The following MYH15 variants were observed in gnomAD, a reference collection of about 807,000 sequenced individuals.
MYH15 encodes the protein myosin heavy chain 15.
Under a neutral mutation model 240.5 loss-of-function variants are expected in MYH15, and 227 were observed. That is an observed-to-expected ratio of 0.94 (90% CI 0.85 to 1.05). The LOEUF is 1.05. MYH15 is among the 50% of genes least tolerant of loss of function. The pLI, the probability that MYH15 is intolerant of heterozygous loss-of-function variation, is 0.00. For synonymous variants in MYH15, 785 were observed against 796.7 expected (o/e 0.99, Z 0.25); for missense variants, 2,217 against 2,247.5 (o/e 0.99, Z 0.27).
chr3:108,472,979 GA>G lies in MYH15; in HGVS notation c.1234-2133del, dbSNP rs1330770867. ...ATAGTGCATATAGAAAACAACAACA[GA>G]AAAAAAATAACAAAGTCAAATAGTT... On this transcript the variant is annotated intron_variant, in intron 12 of 40. Transcript: ENST00000693548. Among the ~76,000 whole-genome samples the G allele has an allele frequency of 6.6e-5, 10 of 151,842 alleles. No individual in the cohort carries two copies. In the East Asian group the frequency reaches 1.9e-3, roughly 29 times the overall value.
At chr3:108,448,152 T>C (rs2107573760) in intron 21 of MYH15, among the ~76,000 whole-genome samples, 1 of 152,142 alleles carries the variant, frequency 6.6e-6, no homozygotes, top group South Asian at 2.1e-4. Context: ...GAGAAAGGAA[T>C]ACCTAGCATT....
intron 25 of MYH15, among the ~76,000 whole-genome samples, chr3:108,435,242 CAAG>C (rs1383113106): frequency 1.1e-4 from 17 of 152,198 alleles, no homozygotes; most frequent in African/African-American, 2.9e-4. Flanking sequence ...GTGACTTGTT[CAAG>C]AAGACTTATC....
At chr3:108,489,369 A>G (rs1325278356) in intron 9 of MYH15, among the ~76,000 whole-genome samples, 1 of 152,208 alleles carries the variant, frequency 6.6e-6, no homozygotes, top group East Asian at 1.9e-4. Context: ...GACACAATAA[A>G]TAAATAGAAA....
chr3:108,475,318 C>T (rs923566753), intron 12 of MYH15, among the ~76,000 whole-genome samples: 12 of 152,220 alleles, frequency 7.9e-5, no homozygotes, highest in Admixed American at 5.9e-4. Context: ...TTATGCATTT[C>T]TGCCCTACTT....
intron 9 of MYH15, among the ~76,000 whole-genome samples, chr3:108,488,112 A>C (rs553343535): frequency 1.3e-5 from 2 of 152,026 alleles, no homozygotes; most frequent in South Asian, 4.1e-4. Flanking sequence ...TCTGTTAGCC[A>C]TTTCAAGTAT....
At chr3:108,425,081 C>T (rs532584396) in intron 27 of MYH15, among the ~76,000 whole-genome samples, 1 of 152,222 alleles carries the variant, frequency 6.6e-6, no homozygotes, top group East Asian at 1.9e-4. Context: ...AAAGAGGGAC[C>T]CCAAAAGTGC....
chr3:108,528,744 C>T (rs1160174041), intron 1 of MYH15, among the ~76,000 whole-genome samples: 1 of 152,172 alleles, frequency 6.6e-6, no homozygotes, highest in African/African-American at 2.4e-5. Flanking sequence ...CTAATTAATA[C>T]TCAGCAGAAC....
chr3:108,484,581 C>T (rs1259941684), intron 11 of MYH15, among the ~76,000 whole-genome samples: 3 of 152,120 alleles, frequency 2.0e-5, no homozygotes, highest in Admixed American at 6.5e-5. Context: ...CAGGTTCCAG[C>T]GATTCTCATG....
At chr3:108,444,935 A>C in intron 21 of MYH15, 40 bp from the exon 22 acceptor site, 5 of 1,548,362 alleles carry the variant, frequency 3.2e-6, no homozygotes, top group Non-Finnish European at 4.3e-6. Flanking sequence ...GTTAGCCCTG[A>C]CTATAGGAGA....
intron 25 of MYH15, among the ~76,000 whole-genome samples, chr3:108,432,266 C>A (rs1190180991): frequency 6.6e-6 from 1 of 152,070 alleles, no homozygotes; most frequent in Non-Finnish European, 1.5e-5. Context: ...ACTGTGTTGC[C>A]CAGGCTGGTC....
upstream of MYH15, chr3:108,510,632 G>C (rs184527605): frequency 7.6e-6 from 12 of 1,570,894 alleles, no homozygotes; most frequent in East Asian, 2.5e-4. Context: ...GTGGAAATAA[G>C]GCATCAAGCT....
chr3:108,399,103 G>C lies in MYH15; in HGVS notation c.4901C>G (p.Ser1634Cys), dbSNP rs187218353. ...GATTTGAATCTGAAGCTGGCCCAGGGATTTGGTTGCTTCTGACACCTGCCG... is the reference window on the plus strand; with the variant it reads ...GATTTGAATCTGAAGCTGGCCCAGGCATTTGGTTGCTTCTGACACCTGCCG... The part of the protein sequence containing the change: ...ANRQVSEATK[S>C]LGQLQIQIKD... Residue 1634 changes from serine to cysteine, a missense_variant, in exon 34 of 41, where the codon TCC becomes TGC. Coordinates refer to ENST00000693548, the MANE Select transcript of MYH15 (RefSeq NM_014981.3). 2.0e-5 allele frequency: 32 copies of C among 1,613,938 alleles called. No homozygotes were observed. The Admixed American group carries it at 5.3e-4, about 27-fold the overall frequency.
At chr3:108,497,500 T>C (rs562854595) in intron 6 of MYH15, among the ~76,000 whole-genome samples, 2 of 152,306 alleles carry the variant, frequency 1.3e-5, no homozygotes, top group Admixed American at 6.5e-5. Flanking sequence ...AACATGTTAA[T>C]GGAGCTAAAC....
chr3:108,505,967 T>C lies in MYH15; in HGVS notation c.89-138A>G, dbSNP rs568053721. 26 of 540,276 alleles carry C rather than the reference T, an allele frequency of 4.8e-5. 1 individual carries two copies. In the South Asian group the frequency reaches 7.5e-4, roughly 15 times the overall value. The allele number at this position is 540,276 out of a possible 1,614,324, so 33.5% of individuals were successfully genotyped here. On this transcript the variant is annotated intron_variant, in intron 1 of 40. Transcript: ENST00000693548. ...GACTACAGGAACTTGCAAAGTCAGATAAAATCATGAAAGCTCATTCTGAAG... is the reference window on the plus strand; with the variant it reads ...GACTACAGGAACTTGCAAAGTCAGACAAAATCATGAAAGCTCATTCTGAAG...
intron 1 of MYH15, among the ~76,000 whole-genome samples, chr3:108,507,972 T>C (rs1395114677): frequency 6.6e-6 from 1 of 152,228 alleles, no homozygotes; most frequent in Non-Finnish European, 1.5e-5. Context: ...GAAGGTCACC[T>C]GGCACAGTCT....
At chr3:108,411,451 T>C (rs1368135864) in intron 30 of MYH15, among the ~76,000 whole-genome samples, 1 of 152,202 alleles carries the variant, frequency 6.6e-6, no homozygotes, top group Non-Finnish European at 1.5e-5. Context: ...TCCGAGTTTG[T>C]TCTCCACCTC....
chr3:108,444,907 A>G lies in MYH15; in HGVS notation c.2400-12T>C. On this transcript the variant is annotated splice_polypyrimidine_tract_variant and intron_variant, in intron 21 of 40. Transcript: ENST00000693548. Reference sequence around the variant, plus strand: ...AAATAAGTGCATCCCTAAATCAAGAAAGAAAAAAGAAAAGCAAGTTAGCCC... The same window carrying G: ...AAATAAGTGCATCCCTAAATCAAGAGAGAAAAAAGAAAAGCAAGTTAGCCC... 1 of 1,587,476 alleles carries G rather than the reference A, an allele frequency of 6.3e-7. No homozygotes were observed. The highest frequency in any genetic ancestry group is 1.2e-5 in the South Asian group (1 of 85,656).
At chr3:108,443,378 CTT>C (rs1441811134) in intron 22 of MYH15, among the ~76,000 whole-genome samples, 2 of 139,218 alleles carry the variant, frequency 1.4e-5, no homozygotes, top group South Asian at 2.5e-4. Context: ...AAAAGAATAA[CTT>C]GTGTCAGTCT....
At chr3:108,501,458 A>C (rs2083437353) in intron 3 of MYH15, among the ~76,000 whole-genome samples, 1 of 152,204 alleles carries the variant, frequency 6.6e-6, no homozygotes, top group Non-Finnish European at 1.5e-5. Flanking sequence ...CTAGTAAGTG[A>C]CAGGGCTGGT....
Sources: gnomAD v4.1 joint callset for allele counts (sites outside exome capture counted in the v4.1 genomes callset) on GRCh38, gnomAD v4.1.1 for gene constraint, MANE v1.5 for transcripts, NCBI Gene and HGNC (gene_info 2026-07-23, HGNC 2026-07-21) for gene names.